DOCK4: variants seen among roughly 807,000 people sequenced by gnomAD.
DOCK4 encodes dedicator of cytokinesis 4, also known as dedicator of cytokinesis protein 4.
Under a neutral mutation model 268.1 loss-of-function variants are expected in DOCK4, and 97 were observed. That is an observed-to-expected ratio of 0.36 (90% CI 0.31 to 0.43). The LOEUF is 0.43. Among genes scored for constraint, DOCK4 ranks in the 20% least tolerant of loss-of-function variants. The pLI, the probability that DOCK4 is intolerant of heterozygous loss-of-function variation, is 1.00. For synonymous variants in DOCK4, 954 were observed against 887.2 expected, an observed-to-expected ratio of 1.08 and a Z score of -1.34; for missense variants, 2,145 against 2,455.7, an observed-to-expected ratio of 0.87 and a Z score of 2.67.
At chr7:111,868,358 T>A (rs900737255) in intron 21 of DOCK4, among the ~76,000 whole-genome samples, 2 of 152,020 alleles carry the variant, frequency 1.3e-5, no homozygotes, top group Admixed American at 6.6e-5. Flanking sequence ...AGAAAAAAAA[T>A]TTAAAAACAC....
intron 12 of DOCK4, among the ~76,000 whole-genome samples, chr7:111,924,266 TG>T (rs1793407385): frequency 6.6e-6 from 1 of 152,354 alleles, no homozygotes; most frequent in African/African-American, 2.4e-5. Context: ...TAGTGGGTGT[TG>T]TTTTTTTCAC....
intron 1 of DOCK4, among the ~76,000 whole-genome samples, chr7:112,192,781 A>G (rs1820087617): frequency 6.6e-6 from 1 of 152,180 alleles, no homozygotes; most frequent in Admixed American, 6.5e-5. Flanking sequence ...ATTGCCTTAT[A>G]CATCATAGGC....
chr7:112,033,237 C>T (rs574087630), intron 1 of DOCK4, among the ~76,000 whole-genome samples: 2 of 152,102 alleles, frequency 1.3e-5, no homozygotes, highest in African/African-American at 4.8e-5. Flanking sequence ...AAAAAATGGG[C>T]TAACAAAAAC....
intron 16 of DOCK4, among the ~76,000 whole-genome samples, chr7:111,894,147 G>A (rs193209592): frequency 6.6e-5 from 10 of 151,956 alleles, no homozygotes; most frequent in African/African-American, 2.2e-4. Flanking sequence ...GTGTGAACCC[G>A]GGAGGCAGAG....
chr7:111,812,808 A>C (rs781006561), intron 27 of DOCK4, among the ~76,000 whole-genome samples: 2 of 152,190 alleles, frequency 1.3e-5, no homozygotes, highest in Non-Finnish European at 2.9e-5. Flanking sequence ...AATTGTCTAT[A>C]ACCCAGTACG....
intron 25 of DOCK4, among the ~76,000 whole-genome samples, chr7:111,836,497 G>A (rs1223818704): frequency 6.6e-6 from 1 of 151,912 alleles, no homozygotes; most frequent in Non-Finnish European, 1.5e-5. Flanking sequence ...TCACCAGGCA[G>A]GTCAAGAAGA....
rs147214909 is a variant in DOCK4, at chr7:111,892,767, T to C, written c.1587+2845A>G. Among the ~76,000 whole-genome samples, 636 of 152,326 alleles carry C rather than the reference T, an allele frequency of 4.2e-3. 7 individuals carry two copies. Among genetic ancestry groups the C allele is most frequent in the South Asian group, 0.024 (114 of 4,824 alleles). ...AGGATTATGTATTATGCTGGTAATATGGTTTCATAATCATAAACTACAAGT... is the reference window on the plus strand; with the variant it reads ...AGGATTATGTATTATGCTGGTAATACGGTTTCATAATCATAAACTACAAGT... On this transcript the variant is annotated intron_variant, in intron 16 of 52. Coordinates refer to ENST00000428084, the MANE Select transcript of DOCK4 (RefSeq NM_001363540.2).
intron 30 of DOCK4, among the ~76,000 whole-genome samples, chr7:111,793,717 T>C (rs1055685368): frequency 2.6e-5 from 4 of 152,002 alleles, no homozygotes; most frequent in Non-Finnish European, 4.4e-5. Flanking sequence ...AAATCTAGTA[T>C]CAAGAAAAAA....
chr7:111,909,318 G>C (rs925889949), intron 13 of DOCK4, among the ~76,000 whole-genome samples: 9 of 152,198 alleles, frequency 5.9e-5, no homozygotes, highest in African/African-American at 2.2e-4. Context: ...CTTCTTTTGA[G>C]AAGTGTCTGT....
intron 1 of DOCK4, among the ~76,000 whole-genome samples, chr7:112,125,153 T>G (rs928578038): frequency 1.3e-5 from 2 of 152,182 alleles, no homozygotes; most frequent in African/African-American, 2.4e-5. Context: ...CTCAGGTAAT[T>G]ATAATATCCA....
intron 1 of DOCK4, among the ~76,000 whole-genome samples, chr7:112,033,764 T>A (rs1379185149): frequency 2.0e-5 from 3 of 152,238 alleles, no homozygotes; most frequent in African/African-American, 7.2e-5. Context: ...CTTGGAAATC[T>A]GAGCCACTAC....
chr7:111,796,633 G>A (rs780901652), intron 30 of DOCK4, among the ~76,000 whole-genome samples: 25 of 151,616 alleles, frequency 1.6e-4, no homozygotes, highest in Non-Finnish European at 1.2e-4. Flanking sequence ...TTTTAAGTTC[G>A]GAAGTTAACT....
intron 25 of DOCK4, among the ~76,000 whole-genome samples, chr7:111,840,084 A>T (rs1803560914): frequency 6.6e-6 from 1 of 152,200 alleles, no homozygotes; most frequent in African/African-American, 2.4e-5. Context: ...TCACCTTGAA[A>T]ACTCTGTAGT....
At position 112,066,658 on chromosome 7, in the gene DOCK4, A is replaced by G. The variant is rs552399037; in HGVS notation, c.38-62527T>C. ...TACACACATATACATATATACACAT[A>G]TTATACATATACATATACATATATA... On this transcript the variant is annotated intron_variant, in intron 1 of 52. Transcript: ENST00000428084. 2.8e-3 allele frequency among the ~76,000 whole-genome samples: 316 copies of G among 113,598 alleles called. 14 individuals carry two copies. The highest frequency in any genetic ancestry group is 0.011 in the African/African-American group (283 of 25,686). The allele number at this position is 113,598 out of a possible 152,430, so 74.5% of individuals were successfully genotyped here. A position where few individuals can be genotyped will look rare whatever the true frequency, so the allele number is the denominator to read the frequency against.
intron 30 of DOCK4, among the ~76,000 whole-genome samples, chr7:111,793,416 A>G (rs989845583): frequency 6.6e-6 from 1 of 152,240 alleles, no homozygotes; most frequent in African/African-American, 2.4e-5. Context: ...CTATAAACAC[A>G]AAGAGAGACA....
At chr7:111,826,484 A>G (rs868473200) in intron 26 of DOCK4, among the ~76,000 whole-genome samples, 9 of 152,192 alleles carry the variant, frequency 5.9e-5, no homozygotes, top group Middle Eastern at 3.2e-3. Flanking sequence ...TATGATATTA[A>G]GAAAGACACA....
intron 25 of DOCK4, among the ~76,000 whole-genome samples, chr7:111,839,068 C>T (rs7783121): frequency 0.33 from 50,752 of 152,028 alleles, 11,583 homozygotes; most frequent in African/African-American, 0.65. Flanking sequence ...GGTTCCACAG[C>T]TTGAGAATTG....
chr7:111,758,881 G>T, intron 40 of DOCK4, 91 bp from the exon 41 acceptor site: 4 of 1,161,206 alleles, frequency 3.4e-6, no homozygotes, highest in Non-Finnish European at 4.9e-6. Flanking sequence ...AAGAGGATGG[G>T]TAACAATCTT....
intron 1 of DOCK4, among the ~76,000 whole-genome samples, chr7:112,157,858 C>T (rs559500011): frequency 6.6e-6 from 1 of 152,140 alleles, no homozygotes; most frequent in East Asian, 1.9e-4. Flanking sequence ...GACTTGATCC[C>T]GTGTGACCAA....
Sources: allele counts gnomAD v4.1 joint callset (sites outside exome capture counted in the v4.1 genomes callset), GRCh38; gene constraint gnomAD v4.1.1; transcripts MANE v1.5; gene names NCBI Gene and HGNC (gene_info 2026-07-23, HGNC 2026-07-21).